Variants in LYSMD1 observed in about 807,000 individuals in gnomAD.
LYSMD1 encodes the protein lysM and putative peptidoglycan-binding domain-containing protein 1.
Under a neutral mutation model 19.3 loss-of-function variants are expected in LYSMD1, and 9 were observed. That is an observed-to-expected ratio of 0.47 (90% CI 0.28 to 0.81). The LOEUF (loss-of-function observed/expected upper bound fraction) is 0.81. LYSMD1 is among the 40% of genes least tolerant of loss of function. The pLI, the probability that LYSMD1 is intolerant of heterozygous loss-of-function variation, is 0.11. For synonymous variants in LYSMD1, 111 were observed against 111.7 expected, an observed-to-expected ratio of 0.99 and a Z score of 0.04; for missense variants, 262 against 279.8, an observed-to-expected ratio of 0.94 and a Z score of 0.45.
At chr1:151,164,390 T>G (rs1683578364) in intron 1 of LYSMD1, among the ~76,000 whole-genome samples, 1 of 152,208 alleles carries the variant, frequency 6.6e-6, no homozygotes, top group Non-Finnish European at 1.5e-5. Context: ...AATTCAACAT[T>G]TGTTTGAGTG....
chr1:151,158,944 G>A (rs1282193098), downstream of LYSMD1: 2 of 1,614,268 alleles, frequency 1.2e-6, no homozygotes, highest in South Asian at 2.2e-5. Context: ...TGGCCCCAGT[G>A]AGCTGGCCCT....
chr1:151,164,972 A>T (rs1379631212), intron 1 of LYSMD1, 107 bp downstream of exon 1: 1 of 920,778 alleles, frequency 1.1e-6, no homozygotes, highest in Non-Finnish European at 1.7e-6. Context: ...ACAGAGTGCA[A>T]CACATTAGGA....
At chr1:151,163,878 T>TTGTG (rs57906452) in intron 1 of LYSMD1, among the ~76,000 whole-genome samples, 2,823 of 142,002 alleles carry the variant, frequency 0.02, 80 homozygotes, top group African/African-American at 0.058. Context: ...TTTCCTATCT[T>TTGTG]TGTGTGTGTG....
In LYSMD1 at chr1:151,161,816, A is replaced by G. The variant is rs764172759; in HGVS notation, c.465T>C (p.Ser155=). Residue 155 remains serine, a synonymous_variant, in exon 2 of 3, where the codon TCT becomes TCC. Transcript: ENST00000368908. ...TPTPIHDLSA[S]DFLKKLDSQI... Reference sequence around the variant, plus strand: ...GTGAATCAAGCTTCTTAAGGAAATCAGAGGCAGAGAGGTCATGGATGGGCG... The same window carrying G: ...GTGAATCAAGCTTCTTAAGGAAATCGGAGGCAGAGAGGTCATGGATGGGCG... 3.7e-6 allele frequency: 6 copies of G among 1,612,970 alleles called. No individual in the cohort carries two copies. The East Asian group carries it at 1.1e-4, about 30-fold the overall frequency.
At chr1:151,151,816 C>A in the LYSMD1 span, among the ~76,000 whole-genome samples, 1 of 151,574 alleles carries the variant, frequency 6.6e-6, no homozygotes, top group African/African-American at 2.4e-5. Context: ...GTAGTCCCAG[C>A]TACTCAGGAG....
chr1:151,149,907 A>C, the LYSMD1 span, among the ~76,000 whole-genome samples: 1 of 152,156 alleles, frequency 6.6e-6, no homozygotes, highest in African/African-American at 2.4e-5. Context: ...CTTCAGAGAA[A>C]ACAGAGATAA....
the LYSMD1 span, among the ~76,000 whole-genome samples, chr1:151,153,358 C>G: frequency 3.3e-3 from 497 of 151,960 alleles, 2 homozygotes; most frequent in Non-Finnish European, 4.3e-3. Flanking sequence ...GACCCTATCT[C>G]TAAAAAAAAT....
chr1:151,165,826 T>C lies in LYSMD1; in HGVS notation c.-568A>G, dbSNP rs1458493675. 8 of 1,491,902 alleles carry C rather than the reference T, an allele frequency of 5.4e-6. No homozygotes were observed. The highest frequency in any genetic ancestry group is 6.4e-6 in the Non-Finnish European group (7 of 1,092,680). 92.4% of individuals were successfully genotyped at this position (1,491,902 alleles called of 1,614,324 possible). A position where few individuals can be genotyped will look rare whatever the true frequency, so the allele number is the denominator to read the frequency against. On this transcript the variant is annotated 5_prime_UTR_variant, in exon 1 of 3. Coordinates refer to ENST00000368908, the MANE Select transcript of LYSMD1 (RefSeq NM_212551.5). ...AAATTTCGGCTCCACATCTAGGTTG[T>C]TGTCCCTCCAAACGCCTCAGATCCG...
intron 1 of LYSMD1, among the ~76,000 whole-genome samples, chr1:151,162,850 G>A (rs1469620942): frequency 6.6e-6 from 1 of 152,066 alleles, no homozygotes; most frequent in Non-Finnish European, 1.5e-5. Flanking sequence ...TTCTCATCTG[G>A]GGTTATTGCA....
downstream of LYSMD1, chr1:151,159,057 G>A (rs1448100590): frequency 6.2e-7 from 1 of 1,614,176 alleles, no homozygotes; most frequent in Middle Eastern, 1.6e-4. Flanking sequence ...CTGGCCTGCT[G>A]ACCGAGTGCC....
downstream of LYSMD1, chr1:151,158,700 G>A (rs2101682369): frequency 6.3e-7 from 1 of 1,596,560 alleles, no homozygotes; most frequent in African/African-American, 1.3e-5. Context: ...CAGGACCCAT[G>A]GAGTCCTTCA....
Position 151,165,486 on chromosome 1 carries a change from T to G in LYSMD1, c.-228A>C, listed in dbSNP as rs587724888. ...CCTTGAGTATTCAGTCCCTCCCTAATTCTCCCCTAAGCACCCCTCCGACTT... is the reference window on the plus strand; with the variant it reads ...CCTTGAGTATTCAGTCCCTCCCTAAGTCTCCCCTAAGCACCCCTCCGACTT... On this transcript the variant is annotated 5_prime_UTR_variant, in exon 1 of 3. Coordinates refer to ENST00000368908, the MANE Select transcript of LYSMD1 (RefSeq NM_212551.5). The G allele has an allele frequency of 7.1e-4, 1,015 of 1,430,924 alleles. 2 individuals are homozygous for G. Among genetic ancestry groups the G allele is most frequent in the Non-Finnish European group, 9.0e-4 (985 of 1,098,048 alleles). 88.6% of individuals were successfully genotyped at this position (1,430,924 alleles called of 1,614,324 possible). A position where few individuals can be genotyped will look rare whatever the true frequency, so the allele number is the denominator to read the frequency against.
chr1:151,165,459 T>C lies in LYSMD1; in HGVS notation c.-201A>G. On this transcript the variant is annotated 5_prime_UTR_variant, in exon 1 of 3. Coordinates refer to ENST00000368908, the MANE Select transcript of LYSMD1 (RefSeq NM_212551.5). ...TCCAAGCTACTTATCCACAAATCTG[T>C]CCCTTGAGTATTCAGTCCCTCCCTA... The C allele has an allele frequency of 7.0e-7, 1 of 1,436,276 alleles. No individual in the cohort carries two copies. Among genetic ancestry groups the C allele is most frequent in the Non-Finnish European group, 9.1e-7 (1 of 1,101,228 alleles). The allele number at this position is 1,436,276 out of a possible 1,614,324, so 89.0% of individuals were successfully genotyped here.
At chr1:151,154,478 C>CA in the LYSMD1 span, among the ~76,000 whole-genome samples, 33,769 of 82,454 alleles carry the variant, frequency 0.41, 6,080 homozygotes, top group African/African-American at 0.59. Flanking sequence ...AAGACTCTGT[C>CA]AAAAAAAAAA....
chr1:151,163,587 G>A (rs1683533917), intron 1 of LYSMD1, among the ~76,000 whole-genome samples: 1 of 151,984 alleles, frequency 6.6e-6, no homozygotes, highest in African/African-American at 2.4e-5. Flanking sequence ...GGAGTGTAGT[G>A]GCGCGATCTC....
downstream of LYSMD1, among the ~76,000 whole-genome samples, chr1:151,158,435 C>T (rs1683304318): frequency 6.6e-6 from 1 of 152,042 alleles, no homozygotes. Flanking sequence ...CCCGTGTGCC[C>T]ACATTCCTCC....
chr1:151,152,199 C>T, the LYSMD1 span, among the ~76,000 whole-genome samples: 5 of 151,864 alleles, frequency 3.3e-5, no homozygotes, highest in Admixed American at 3.3e-4. Flanking sequence ...AGATCGAGAC[C>T]ATCCTGGCTA....
chr1:151,159,180 G>A (rs1451689838), downstream of LYSMD1: 3 of 1,614,094 alleles, frequency 1.9e-6, no homozygotes, highest in African/African-American at 1.3e-5. Flanking sequence ...CCCTCTATGG[G>A]CCTGACTTCA....
chr1:151,151,758 C>T, the LYSMD1 span, among the ~76,000 whole-genome samples: 4 of 151,270 alleles, frequency 2.6e-5, no homozygotes, highest in South Asian at 2.1e-4. Context: ...AGAGAAACCC[C>T]GTCTCTACTA....
Sources: allele counts gnomAD v4.1 joint callset (sites outside exome capture counted in the v4.1 genomes callset), GRCh38; gene constraint gnomAD v4.1.1; transcripts MANE v1.5; gene names NCBI Gene and HGNC (gene_info 2026-07-23, HGNC 2026-07-21).